The following ZNF138 variants were observed in gnomAD, a reference collection of about 807,000 sequenced individuals.
ZNF138 encodes zinc finger protein 138, also known as zinc finger protein 138 (clone pHZ-32).
In ZNF138, 33 loss-of-function variants were observed where a neutral mutation model predicts 33.0. That is an observed-to-expected ratio of 1.00 (90% confidence interval 0.76 to 1.34). The LOEUF (loss-of-function observed/expected upper bound fraction) is 1.34, where lower values mean the gene tolerates loss of function less well. ZNF138 is among the 40% of genes most tolerant of loss of function. The probability of loss-of-function intolerance (pLI) is 0.00; values close to 1 mark genes in which losing one functional copy is unlikely to be tolerated. For synonymous variants in ZNF138, 139 were observed against 120.4 expected (o/e 1.15, Z -1.01); for missense variants, 360 against 370.8 (o/e 0.97, Z 0.24).
At chr7:64,841,478 G>A in the ZNF138 span, among the ~76,000 whole-genome samples, 1 of 151,020 alleles carries the variant, frequency 6.6e-6, no homozygotes. Flanking sequence ...AAATATTCCT[G>A]CTAGAGTTAG....
the ZNF138 span, among the ~76,000 whole-genome samples, chr7:64,855,110 G>A: frequency 6.6e-6 from 1 of 152,124 alleles, no homozygotes; most frequent in Non-Finnish European, 1.5e-5. Flanking sequence ...GGTGCGTGTG[G>A]ACATCATTTC....
chr7:64,852,835 G>A, the ZNF138 span: 1 of 845,034 alleles, frequency 1.2e-6, no homozygotes, highest in African/African-American at 1.7e-5. Flanking sequence ...CAGTGGTAGT[G>A]ACTCTTCCCA....
intron 3 of ZNF138, among the ~76,000 whole-genome samples, chr7:64,825,543 C>CTTT (rs112905168): frequency 7.5e-6 from 1 of 132,528 alleles, no homozygotes; most frequent in Non-Finnish European, 1.6e-5. Context: ...TATTTATTAA[C>CTTT]TTTTTTTTTT....
intron 1 of ZNF138, among the ~76,000 whole-genome samples, chr7:64,801,499 T>A (rs1787137337): frequency 6.6e-6 from 1 of 152,208 alleles, no homozygotes; most frequent in Admixed American, 6.5e-5. Flanking sequence ...TTGAATTATA[T>A]TTTAATCAAT....
the ZNF138 span, among the ~76,000 whole-genome samples, chr7:64,840,798 A>C: frequency 6.6e-6 from 1 of 152,110 alleles, no homozygotes; most frequent in East Asian, 1.9e-4. Flanking sequence ...TTTTAGTTTT[A>C]ATTTACATAA....
chr7:64,829,645 T>A (rs1213547498), intron 3 of ZNF138, among the ~76,000 whole-genome samples: 1 of 13,232 alleles, frequency 7.6e-5, no homozygotes, highest in African/African-American at 2.1e-4. Flanking sequence ...TTGTTGGTGA[T>A]GTTGCTAATT....
In ZNF138 at chr7:64,831,443, T is replaced by C. The variant is rs1411274258; in HGVS notation, c.209-8T>C. The stretch of plus-strand genomic sequence containing the variant: ...GTGGAGTAATTTGTTATTTTTTGTT[T>C]CTTTCAGCTCTGTGTTCTCGTTTTG... On this transcript the variant is annotated splice_region_variant and splice_polypyrimidine_tract_variant and intron_variant, in intron 3 of 3. Transcript: ENST00000307355. The C allele has an allele frequency of 3.9e-6, 6 of 1,525,936 alleles. No individual in the cohort carries two copies. In the Admixed American group the frequency reaches 6.8e-5, roughly 17 times the overall value. The allele number at this position is 1,525,936 out of a possible 1,614,324, so 94.5% of individuals were successfully genotyped here. A position where few individuals can be genotyped will look rare whatever the true frequency, so the allele number is the denominator to read the frequency against.
chr7:64,826,080 GC>G (rs1226558778), intron 3 of ZNF138, among the ~76,000 whole-genome samples: 2 of 152,002 alleles, frequency 1.3e-5, no homozygotes, highest in African/African-American at 4.8e-5. Context: ...CAAGTGAATA[GC>G]CCCCCTTGGC....
chr7:64,815,477 C>A, intron 2 of ZNF138, 99 bp from the exon 3 acceptor site: 2 of 980,586 alleles, frequency 2.0e-6, no homozygotes, highest in South Asian at 1.7e-5. Context: ...CTATTACATT[C>A]TCTTTACTGA....
intron 1 of ZNF138, among the ~76,000 whole-genome samples, chr7:64,795,471 C>T (rs916690652): frequency 2.0e-5 from 3 of 152,198 alleles, no homozygotes; most frequent in African/African-American, 4.8e-5. Context: ...TTCCTTCTGA[C>T]ATTCCCAAAT....
At chr7:64,802,048 G>A (rs769049132) in intron 1 of ZNF138, among the ~76,000 whole-genome samples, 3 of 152,130 alleles carry the variant, frequency 2.0e-5, no homozygotes, top group East Asian at 1.9e-4. Flanking sequence ...CAAGGTGGTC[G>A]GGTTACAGCT....
At chr7:64,819,058 A>G (rs1326484600) in intron 3 of ZNF138, among the ~76,000 whole-genome samples, 4 of 152,178 alleles carry the variant, frequency 2.6e-5, no homozygotes, top group Non-Finnish European at 4.4e-5. Context: ...TGTTTTACTT[A>G]CATATTATTA....
At chr7:64,812,788 G>T (rs1317756467) in intron 1 of ZNF138, among the ~76,000 whole-genome samples, 1 of 150,926 alleles carries the variant, frequency 6.6e-6, no homozygotes, top group Non-Finnish European at 1.5e-5. Context: ...GGTGTAATTT[G>T]TCCAGAGAAT....
rs1788496000 is a variant in ZNF138, at chr7:64,815,026, A to G, written c.112A>G (p.Arg38Gly). The G allele has an allele frequency of 6.2e-7, 1 of 1,608,692 alleles. No homozygotes were observed. Among genetic ancestry groups the G allele is most frequent in the African/African-American group, 1.3e-5 (1 of 74,684 alleles). The change falls in exon 2 of 4, where the codon AGA becomes GGA. Residue 38 changes from arginine to glycine, a missense_variant. By Grantham distance (125) the Arg-to-Gly change is moderately radical (BLOSUM62 -2). Coordinates refer to ENST00000307355, the MANE Select transcript of ZNF138 (RefSeq NM_001271639.2). ...VYRHVMLENY[R>G]NLVFLDLITC... is the part of the protein sequence containing the mutation. ...TAGGCATGTGATGTTAGAGAACTACAGAAACCTGGTTTTCTTGGGTGAGAA... is the reference window on the plus strand; with the variant it reads ...TAGGCATGTGATGTTAGAGAACTACGGAAACCTGGTTTTCTTGGGTGAGAA...
chr7:64,844,962 G>A, the ZNF138 span, among the ~76,000 whole-genome samples: 1 of 152,224 alleles, frequency 6.6e-6, no homozygotes, highest in South Asian at 2.1e-4. Context: ...TGGGATTACA[G>A]GCGTGAGCCA....
intron 1 of ZNF138, among the ~76,000 whole-genome samples, chr7:64,812,828 G>A (rs1402817875): frequency 1.5e-5 from 2 of 136,522 alleles, no homozygotes; most frequent in African/African-American, 5.4e-5. Context: ...CAGAGAAGAA[G>A]GAGAAAGGGG....
At chr7:64,815,711 A>G (rs9654821) in intron 3 of ZNF138, 58 bp downstream of exon 3, 1,457,007 of 1,461,096 alleles carry the variant, frequency 1, 726,566 homozygotes, top group East Asian at 1. Flanking sequence ...CAAGGAGAAG[A>G]CCACTCCTTT....
intron 1 of ZNF138, among the ~76,000 whole-genome samples, chr7:64,809,713 C>T (rs867470115): frequency 2.1e-3 from 310 of 146,800 alleles, no homozygotes; most frequent in African/African-American, 6.6e-3. Context: ...GGGCGGTTGC[C>T]GGGCAGAGGG....
chr7:64,847,459 G>A, the ZNF138 span, among the ~76,000 whole-genome samples: 3 of 151,114 alleles, frequency 2.0e-5, no homozygotes. Context: ...GAGTATTAAA[G>A]TTTTCCACTA....
Sources: allele counts gnomAD v4.1 joint callset (sites outside exome capture counted in the v4.1 genomes callset), GRCh38; gene constraint gnomAD v4.1.1; transcripts MANE v1.5; gene names NCBI Gene and HGNC (gene_info 2026-07-23, HGNC 2026-07-21).